Variants in LAMP2 observed in about 807,000 individuals in gnomAD.
LAMP2 encodes lysosome-associated membrane glycoprotein 2.
LAMP2 carries 4 observed loss-of-function variants against 25.6 expected under a neutral mutation model. That is an observed-to-expected ratio of 0.16 (90% CI 0.08 to 0.36). The LOEUF is 0.36. Ranked by LOEUF, LAMP2 falls within the 10% of genes least tolerant of loss-of-function variation. LAMP2 has a pLI of 1.00. For synonymous variants in LAMP2, 108 were observed against 112.7 expected (o/e 0.96, Z 0.27); for missense variants, 272 against 301.4 (o/e 0.90, Z 0.72).
In LAMP2 at chrX:120,443,968, G is replaced by C. The variant is rs2239007; in HGVS notation, c.865-1306C>G. On this transcript the variant is annotated intron_variant, in intron 6 of 8. Coordinates refer to ENST00000200639, the MANE Select transcript of LAMP2 (RefSeq NM_002294.3). ...TGCACTCCAGCCTGGGCGACAAAGC[G>C]AGACTCTGTCAAAGAAAGAAAAGAA... 9.9e-4 allele frequency among the ~76,000 whole-genome samples: 106 copies of C among 106,593 alleles called. 1 individual carries two copies. In the East Asian group the frequency reaches 0.026, roughly 26 times the overall value. The allele number at this position is 106,593 out of a possible 115,157, so 92.6% of individuals were successfully genotyped here.
In LAMP2 at chrX:120,449,070, T is replaced by C. The variant is rs1197104311; in HGVS notation, c.456A>G (p.Arg152=). ...TTTCCAAAGTTGATAAACTATTGCA[T>C]CTAAAAAGGTCATTCAATGGAATTC... ...AIRIPLNDLF[R]CNSLSTLEKN... Residue 152 remains arginine (R), a synonymous_variant, in exon 4 of 9, where the codon AGA becomes AGG. Coordinates refer to ENST00000200639, the MANE Select transcript of LAMP2 (RefSeq NM_002294.3). 8.3e-7 allele frequency: 1 copy of C among 1,201,593 alleles called. No homozygotes were observed. The highest frequency in any genetic ancestry group is 1.1e-6 in the Non-Finnish European group (1 of 886,279).
chrX:120,440,218 C>T (rs1430382304), intron 8 of LAMP2, among the ~76,000 whole-genome samples: 1 of 111,628 alleles, frequency 9.0e-6, no homozygotes, highest in Non-Finnish European at 1.9e-5. Context: ...TGACTTAGTA[C>T]ATACAATTTT....
chrX:120,461,823 G>A (rs1456273422), intron 1 of LAMP2, among the ~76,000 whole-genome samples: 5 of 112,038 alleles, frequency 4.5e-5, no homozygotes, highest in African/African-American at 1.6e-4. Flanking sequence ...ATTACAGAGA[G>A]GCCAGTCCTT....
At chrX:120,438,219 C>T (rs899494492) in intron 8 of LAMP2, 13 of 746,100 alleles carry the variant, frequency 1.7e-5, no homozygotes, top group Non-Finnish European at 1.9e-5. Flanking sequence ...GACACACTGG[C>T]ATTTCTTAAG....
chrX:120,464,744 T>C lies in LAMP2; in HGVS notation c.64+4362A>G, dbSNP rs866284056. Among the ~76,000 whole-genome samples the C allele has an allele frequency of 8.1e-5, 9 of 111,720 alleles. 1 individual carries two copies. The East Asian group carries it at 1.7e-3, about 21-fold the overall frequency. ...CTCATTACCTGTGTAATTTTCTTCA[T>C]AGTGTTTTTGTTTTGTTTTGTTTTG... On this transcript the variant is annotated intron_variant, in intron 1 of 8. Transcript: ENST00000200639.
chrX:120,454,950 TATACACACACACTAGG>T (rs2058638549), intron 3 of LAMP2, among the ~76,000 whole-genome samples: 3 of 99,858 alleles, frequency 3.0e-5, no homozygotes, highest in Admixed American at 1.1e-4. Flanking sequence ...TATATATATA[TATACACACACACTAGG>T]ATATATATAT....
chrX:120,454,329 T>C (rs767749471), intron 3 of LAMP2, among the ~76,000 whole-genome samples: 5 of 111,157 alleles, frequency 4.5e-5, no homozygotes, highest in Non-Finnish European at 7.5e-5. Flanking sequence ...CTGAGTGTAA[T>C]GAGGGACTAC....
chrX:120,466,317 A>AT (rs1327779333), intron 1 of LAMP2, among the ~76,000 whole-genome samples: 1 of 112,516 alleles, frequency 8.9e-6, no homozygotes, highest in Non-Finnish European at 1.9e-5. Flanking sequence ...GACAACTATT[A>AT]TTTTTTTCAC....
At chrX:120,447,552 T>G (rs2058602446) in intron 5 of LAMP2, among the ~76,000 whole-genome samples, 1 of 104,232 alleles carries the variant, frequency 9.6e-6, no homozygotes, top group Non-Finnish European at 2.0e-5. Context: ...ACTAAAAAAA[T>G]ACAAAAAATT....
intron 1 of LAMP2, among the ~76,000 whole-genome samples, chrX:120,459,967 A>G (rs1276954598): frequency 8.9e-6 from 1 of 112,253 alleles, no homozygotes; most frequent in Non-Finnish European, 1.9e-5. Context: ...ATAAAGCTAG[A>G]GAAAAGAAAA....
intron 3 of LAMP2, among the ~76,000 whole-genome samples, chrX:120,452,386 T>G (rs748522751): frequency 9.0e-6 from 1 of 111,167 alleles, no homozygotes; most frequent in Admixed American, 9.6e-5. Flanking sequence ...AATCCTCCGC[T>G]TACTCAAATT....
In LAMP2 at chrX:120,428,737, T is replaced by TA. The variant is rs202199842; in HGVS notation, c.*2585dup. The stretch of plus-strand genomic sequence containing the variant: ...TGAAAGTGTACATAGCTTAGTTTTT[T>TA]ATAGCATTACCTCTATTTTCTTATT... On this transcript the variant is annotated 3_prime_UTR_variant, in exon 9 of 9. Transcript: ENST00000200639. 1,404 of 1,066,243 alleles carry TA rather than the reference T, an allele frequency of 1.3e-3. 11 individuals are homozygous for TA. The African/African-American group carries it at 0.026, about 19-fold the overall frequency. 87.9% of individuals were successfully genotyped at this position (1,066,243 alleles called of 1,213,427 possible). A position where few individuals can be genotyped will look rare whatever the true frequency, so the allele number is the denominator to read the frequency against.
chrX:120,468,713 C>T (rs1164876094), intron 1 of LAMP2, among the ~76,000 whole-genome samples: 1 of 110,680 alleles, frequency 9.0e-6, no homozygotes. Flanking sequence ...CTTCAAAACT[C>T]TTCCCTGATC....
At chrX:120,438,714 A>G (rs982676938) in intron 8 of LAMP2, 210 of 776,424 alleles carry the variant, frequency 2.7e-4, no homozygotes, top group Middle Eastern at 7.1e-4. Context: ...ACACACACAC[A>G]CACACACACA....
At chrX:120,462,469 C>T (rs1921354238) in intron 1 of LAMP2, among the ~76,000 whole-genome samples, 1 of 101,633 alleles carries the variant, frequency 9.8e-6, no homozygotes, top group African/African-American at 3.6e-5. Context: ...TTGCAGTGAG[C>T]CAAGATCACT....
intron 1 of LAMP2, among the ~76,000 whole-genome samples, chrX:120,461,595 G>A (rs1003992807): frequency 8.9e-6 from 1 of 111,899 alleles, no homozygotes; most frequent in Non-Finnish European, 1.9e-5. Flanking sequence ...CCCTTGATCA[G>A]ATGATCTGAT....
At chrX:120,466,563 AAG>A in intron 1 of LAMP2, among the ~76,000 whole-genome samples, 1 of 111,830 alleles carries the variant, frequency 8.9e-6, no homozygotes, top group East Asian at 2.8e-4. Flanking sequence ...AGTGCTACAG[AAG>A]AGTTTCCTGC....
chrX:120,435,121 G>A (rs2058537785), intron 8 of LAMP2, among the ~76,000 whole-genome samples: 1 of 111,931 alleles, frequency 8.9e-6, no homozygotes, highest in Non-Finnish European at 1.9e-5. Context: ...GCAACAGAGC[G>A]AGACTCCATC....
chrX:120,468,776 C>T (rs904172128), intron 1 of LAMP2, among the ~76,000 whole-genome samples: 2 of 111,186 alleles, frequency 1.8e-5, no homozygotes, highest in African/African-American at 6.5e-5. Flanking sequence ...TCTGCATGTA[C>T]CACCCTCCTA....
Sources: allele counts gnomAD v4.1 joint callset (sites outside exome capture counted in the v4.1 genomes callset), GRCh38; gene constraint gnomAD v4.1.1; transcripts MANE v1.5; gene names NCBI Gene and HGNC (gene_info 2026-07-23, HGNC 2026-07-21).